DPP10: variants seen among roughly 807,000 people sequenced by gnomAD.
DPP10 encodes the protein inactive dipeptidyl peptidase 10.
In DPP10, 33 loss-of-function variants were observed where a neutral mutation model predicts 120.9. The ratio of observed to expected loss-of-function variants is 0.27; its 90% CI spans 0.21 to 0.37. The LOEUF (loss-of-function observed/expected upper bound fraction) is 0.37, where lower values mean the gene tolerates loss of function less well. DPP10 is among the 10% of genes least tolerant of loss of function. DPP10 has a pLI of 1.00. For missense variants in DPP10, 816 were observed against 942.8 expected, an observed-to-expected ratio of 0.87 and a Z score of 1.76; for synonymous variants, 337 against 326.1, an observed-to-expected ratio of 1.03 and a Z score of -0.36.
At chr2:114,598,150 G>T (rs377553762) in intron 1 of DPP10, among the ~76,000 whole-genome samples, 1 of 151,920 alleles carries the variant, frequency 6.6e-6, no homozygotes, top group Non-Finnish European at 1.5e-5. Flanking sequence ...ACATAATCCT[G>T]TGTGATTGCA....
intron 1 of DPP10, among the ~76,000 whole-genome samples, chr2:114,720,402 G>A (rs963313774): frequency 2.6e-5 from 4 of 152,064 alleles, no homozygotes; most frequent in African/African-American, 9.7e-5. Context: ...TTACTGCCAC[G>A]GTTGAAGGAT....
At chr2:115,705,079 A>G (rs985464598) in intron 7 of DPP10, among the ~76,000 whole-genome samples, 2 of 151,948 alleles carry the variant, frequency 1.3e-5, no homozygotes, top group African/African-American at 4.8e-5. Flanking sequence ...CTAGGAATTT[A>G]TCTTAAAATT....
rs562062722 is a variant in DPP10, at chr2:114,635,753, C to G, written c.60+192915C>G. 1.6e-4 allele frequency among the ~76,000 whole-genome samples: 24 copies of G among 151,806 alleles called. 1 individual carries two copies. Among genetic ancestry groups the G allele is most frequent in the Admixed American group, 5.2e-4 (8 of 15,262 alleles). On this transcript the variant is annotated intron_variant, in intron 1 of 25. Transcript: ENST00000410059. ...ACTTTTTATTGATGTGAGTTATATC[C>G]ATTGCTACTTACATAAAAAATTAAA...
At chr2:114,468,143 A>T (rs1344929841) in intron 1 of DPP10, among the ~76,000 whole-genome samples, 1 of 152,122 alleles carries the variant, frequency 6.6e-6, no homozygotes, top group Non-Finnish European at 1.5e-5. Context: ...ATACTCCGTA[A>T]AGGTTGCTTT....
intron 1 of DPP10, among the ~76,000 whole-genome samples, chr2:114,564,959 A>C (rs1003372635): frequency 6.6e-6 from 1 of 152,218 alleles, no homozygotes; most frequent in Non-Finnish European, 1.5e-5. Context: ...ATTTAATTTC[A>C]ATCACTTAGA....
chr2:114,721,120 C>CT (rs1701680116), intron 1 of DPP10, among the ~76,000 whole-genome samples: 1 of 152,264 alleles, frequency 6.6e-6, no homozygotes, highest in Non-Finnish European at 1.5e-5. Flanking sequence ...GAAGTCACTG[C>CT]TTTTCCCTAT....
chr2:114,549,684 A>AAAAAG (rs1558870967), intron 1 of DPP10, among the ~76,000 whole-genome samples: 17 of 69,038 alleles, frequency 2.5e-4, no homozygotes, highest in South Asian at 7.6e-4. Flanking sequence ...AAAAAAAAAA[A>AAAAAG]AGAGAGAGAG....
intron 1 of DPP10, among the ~76,000 whole-genome samples, chr2:115,063,518 A>G (rs1706586609): frequency 6.6e-6 from 1 of 152,216 alleles, no homozygotes; most frequent in Non-Finnish European, 1.5e-5. Flanking sequence ...TTCAAACTAT[A>G]CTACAAGGCT....
At chr2:115,017,197 T>C (rs1219546289) in intron 1 of DPP10, among the ~76,000 whole-genome samples, 1 of 148,674 alleles carries the variant, frequency 6.7e-6, no homozygotes, top group Admixed American at 6.8e-5. Flanking sequence ...CCCTAAAACT[T>C]CAAGTATAAT....
At chr2:115,007,250 G>A (rs1701921184) in intron 1 of DPP10, among the ~76,000 whole-genome samples, 1 of 152,088 alleles carries the variant, frequency 6.6e-6, no homozygotes, top group African/African-American at 2.4e-5. Flanking sequence ...TTCATCCCTG[G>A]GATGCAAGCC....
At chr2:115,407,105 G>T (rs1001303128) in intron 3 of DPP10, among the ~76,000 whole-genome samples, 1 of 151,862 alleles carries the variant, frequency 6.6e-6, no homozygotes, top group African/African-American at 2.4e-5. Flanking sequence ...CACCACCCAG[G>T]AACAGAAGAG....
At chr2:114,749,519 T>C (rs1678980728) in intron 1 of DPP10, among the ~76,000 whole-genome samples, 1 of 149,654 alleles carries the variant, frequency 6.7e-6, no homozygotes, top group Admixed American at 6.8e-5. Flanking sequence ...AGAAAAGGTA[T>C]ATAAACAAAG....
chr2:115,494,633 C>T (rs578013797), intron 3 of DPP10, among the ~76,000 whole-genome samples: 1 of 152,152 alleles, frequency 6.6e-6, no homozygotes, highest in African/African-American at 2.4e-5. Flanking sequence ...TTAACAAACC[C>T]TTCCTAGATT....
chr2:115,231,595 G>T (rs1463026087), intron 1 of DPP10, among the ~76,000 whole-genome samples: 4 of 152,070 alleles, frequency 2.6e-5, no homozygotes, highest in Non-Finnish European at 4.4e-5. Context: ...ATAGATACAA[G>T]GATCCCTAGT....
At chr2:115,417,754 C>G (rs1052755248) in intron 3 of DPP10, among the ~76,000 whole-genome samples, 11 of 152,184 alleles carry the variant, frequency 7.2e-5, no homozygotes, top group Admixed American at 5.9e-4. Flanking sequence ...TACCTCACTT[C>G]TTCTCCTATG....
At chr2:115,449,602 C>T (rs1007616385) in intron 3 of DPP10, among the ~76,000 whole-genome samples, 1 of 152,096 alleles carries the variant, frequency 6.6e-6, no homozygotes, top group Non-Finnish European at 1.5e-5. Context: ...GTAATGAACA[C>T]ATCCCAGTCT....
At chr2:114,652,820 G>A (rs1057173014) in intron 1 of DPP10, among the ~76,000 whole-genome samples, 1 of 152,026 alleles carries the variant, frequency 6.6e-6, no homozygotes, top group Non-Finnish European at 1.5e-5. Context: ...TTCAGGTTGG[G>A]GAGAGAGCAT....
At chr2:115,321,504 AT>A (rs1297824203) in intron 2 of DPP10, among the ~76,000 whole-genome samples, 4 of 99,516 alleles carry the variant, frequency 4.0e-5, no homozygotes, top group Non-Finnish European at 6.0e-5. Context: ...CTCAGAATGC[AT>A]TTTTTTAGTG....
intron 1 of DPP10, among the ~76,000 whole-genome samples, chr2:114,522,377 AAAAC>A (rs1286932571): frequency 6.6e-6 from 1 of 152,318 alleles, no homozygotes; most frequent in South Asian, 2.1e-4. Context: ...GATCCTTCAA[AAAAC>A]AAACAAACAA....
Sources: allele counts gnomAD v4.1 joint callset (sites outside exome capture counted in the v4.1 genomes callset), GRCh38; gene constraint gnomAD v4.1.1; transcripts MANE v1.5; gene names NCBI Gene and HGNC (gene_info 2026-07-23, HGNC 2026-07-21).